ZER1: variants seen among roughly 807,000 people sequenced by gnomAD.
The protein encoded by ZER1 is zyg-11 related cell cycle regulator, also known as protein zer-1 homolog.
In ZER1, 11 loss-of-function variants were observed where a neutral mutation model predicts 78.8. The ratio of observed to expected loss-of-function variants is 0.14; its 90% CI spans 0.09 to 0.23. The LOEUF (loss-of-function observed/expected upper bound fraction) is 0.23. Ranked by LOEUF, ZER1 falls within the 10% of genes least tolerant of loss-of-function variation. The pLI, the probability that ZER1 is intolerant of heterozygous loss-of-function variation, is 1.00. For synonymous variants in ZER1, 400 were observed against 407.0 expected, an observed-to-expected ratio of 0.98 and a Z score of 0.21; for missense variants, 588 against 996.9, an observed-to-expected ratio of 0.59 and a Z score of 5.52.
At chr9:128,741,771 T>C in intron 10 of ZER1, 29 bp downstream of exon 10, 1 of 1,614,020 alleles carries the variant, frequency 6.2e-7, no homozygotes, top group Admixed American at 1.7e-5. Flanking sequence ...GGGGAAAGGG[T>C]AGCGTGGCTT....
At chr9:128,735,706 C>T (rs1863043140) in intron 13 of ZER1, among the ~76,000 whole-genome samples, 1 of 148,986 alleles carries the variant, frequency 6.7e-6, no homozygotes, top group Non-Finnish European at 1.5e-5. Flanking sequence ...AGCAGAGACC[C>T]AGCCTGTGGG....
chr9:128,752,213 G>T (rs1017771340), intron 5 of ZER1, among the ~76,000 whole-genome samples: 1 of 152,066 alleles, frequency 6.6e-6, no homozygotes, highest in Non-Finnish European at 1.5e-5. Context: ...CCCTTGTAAT[G>T]ACTTGATTGT....
rs1862851672 is a variant in ZER1 at position 128,732,188 on chromosome 9, A to G, written c.2244-794T>C. ...TTGCTGTCAGACAGGCCAGTGCCTC[A>G]GATTCCCATCACAGGCCTTGGAGAA... is the stretch of plus-strand genomic sequence containing the variant. On this transcript the variant is annotated intron_variant, in intron 15 of 15. Transcript: ENST00000291900. The surrounding 1 kb of genome is among the most constrained non-coding windows in gnomAD (Gnocchi z 4.8). Among the ~76,000 whole-genome samples, 1 of 152,246 alleles carries G rather than the reference A, an allele frequency of 6.6e-6. No homozygotes were observed. Among genetic ancestry groups the G allele is most frequent in the South Asian group, 2.1e-4 (1 of 4,834 alleles).
rs777380866 is a variant in ZER1, at chr9:128,740,068, G to A, written c.1905C>T (p.Cys635=). The A allele has an allele frequency of 7.9e-5, 128 of 1,613,494 alleles. No homozygotes were observed. Among genetic ancestry groups the A allele is most frequent in the Non-Finnish European group, 1.0e-4 (121 of 1,179,658 alleles). Residue 635 remains cysteine, a synonymous_variant, in exon 13 of 16, where the codon TGC becomes TGT. Coordinates refer to ENST00000291900, the MANE Select transcript of ZER1 (RefSeq NM_006336.4). This position sits in a 1 kb window ranked among gnomAD's most constrained non-coding sequence, Gnocchi z 4.4. Reference sequence around the variant, plus strand: ...CAAACATGATGTGGGAGAGGACGCCGCAGGCATTGTAGGAAACCTCGATCC... The same window carrying A: ...CAAACATGATGTGGGAGAGGACGCCACAGGCATTGTAGGAAACCTCGATCC... The part of the protein sequence containing the change: ...ADGIEVSYNA[C]GVLSHIMFDG...
chr9:128,745,070 C>T (rs1407818955), intron 8 of ZER1, among the ~76,000 whole-genome samples: 1 of 152,170 alleles, frequency 6.6e-6, no homozygotes, highest in Admixed American at 6.6e-5. Flanking sequence ...TTAGGTAACA[C>T]TAGACTGTTT....
chr9:128,768,625 C>T (rs1322706774), intron 1 of ZER1, among the ~76,000 whole-genome samples: 1 of 152,168 alleles, frequency 6.6e-6, no homozygotes, highest in Non-Finnish European at 1.5e-5. Context: ...CCTAAGTGCT[C>T]TGACCTTTCA....
rs1283330845 is a variant in ZER1, at chr9:128,753,137, C to G, written c.746+27G>C. ...CCCCACCTGCCCCCCAAACCCCACC[C>G]TGGTGAGCTCTGGGCCAGGAGCTCA... On this transcript the variant is annotated intron_variant, in intron 4 of 15. Coordinates refer to ENST00000291900, the MANE Select transcript of ZER1 (RefSeq NM_006336.4). This position sits in a 1 kb window ranked among gnomAD's most constrained non-coding sequence, Gnocchi z 7.5. 2 of 1,505,554 alleles carry G rather than the reference C, an allele frequency of 1.3e-6. No individual in the cohort carries two copies. Among genetic ancestry groups the G allele is most frequent in the East Asian group, 2.5e-5 (1 of 40,598 alleles). The allele number at this position is 1,505,554 out of a possible 1,614,324, so 93.3% of individuals were successfully genotyped here. A position where few individuals can be genotyped will look rare whatever the true frequency, so the allele number is the denominator to read the frequency against.
At chr9:128,750,550 G>T in intron 8 of ZER1, 66 bp downstream of exon 8, 1 of 1,573,704 alleles carries the variant, frequency 6.4e-7, no homozygotes. Flanking sequence ...GCCCTAGCGG[G>T]ACGCAAGAAG....
At chr9:128,762,383 T>C (rs1864078806) in intron 1 of ZER1, among the ~76,000 whole-genome samples, 1 of 152,202 alleles carries the variant, frequency 6.6e-6, no homozygotes, top group Admixed American at 6.5e-5. Context: ...AGTTCAACTG[T>C]GGCACCACTG....
intron 10 of ZER1, 46 bp from the exon 11 acceptor site, chr9:128,741,700 GA>G: frequency 6.2e-7 from 1 of 1,613,966 alleles, no homozygotes; most frequent in Non-Finnish European, 8.5e-7. Flanking sequence ...GGTACCCGGG[GA>G]GGGGGGCCCC....
rs1863270957 is a variant in ZER1, at chr9:128,740,968, T to C, written c.1738-81A>G. ...TGGTATTGTTAACCAAAAAGCTTCA[T>C]GGGCATCTGGCCATGCCAACTAGAC... On this transcript the variant is annotated intron_variant, in intron 11 of 15. Coordinates refer to ENST00000291900, the MANE Select transcript of ZER1 (RefSeq NM_006336.4). The surrounding 1 kb of genome is among the most constrained non-coding windows in gnomAD (Gnocchi z 4.4). 1 of 740,778 alleles carries C rather than the reference T, an allele frequency of 1.3e-6. No homozygotes were observed. Among genetic ancestry groups the C allele is most frequent in the South Asian group, 1.4e-5 (1 of 70,264 alleles). The allele number at this position is 740,778 out of a possible 1,614,324, so 45.9% of individuals were successfully genotyped here. A position where few individuals can be genotyped will look rare whatever the true frequency, so the allele number is the denominator to read the frequency against.
In ZER1 at chr9:128,771,603, G is replaced by GAC. The variant is rs1262374183; in HGVS notation, c.-118_-117insGT. 2.0e-5 allele frequency: 3 copies of GAC among 152,454 alleles called. No individual in the cohort carries two copies. The highest frequency in any genetic ancestry group is 2.9e-5 in the Non-Finnish European group (2 of 68,220). The allele number at this position is 152,454 out of a possible 1,614,324, so 9.4% of individuals were successfully genotyped here. A position where few individuals can be genotyped will look rare whatever the true frequency, so the allele number is the denominator to read the frequency against. On this transcript the variant is annotated 5_prime_UTR_variant, in exon 1 of 16. Transcript: ENST00000291900. Reference sequence around the variant, plus strand: ...TACCCTGGACGGGGCTGCCCTCAGCGTCGGGAAGCGGACGTGATGCTTCGC... The same window carrying GAC: ...TACCCTGGACGGGGCTGCCCTCAGCGACTCGGGAAGCGGACGTGATGCTTCGC...
chr9:128,747,284 T>G (rs1452451869), intron 8 of ZER1, among the ~76,000 whole-genome samples: 1 of 152,206 alleles, frequency 6.6e-6, no homozygotes, highest in African/African-American at 2.4e-5. Context: ...TAAGGATAAC[T>G]AATTAAGTAT....
At chr9:128,758,441 T>C (rs1863932205) in intron 1 of ZER1, among the ~76,000 whole-genome samples, 1 of 151,438 alleles carries the variant, frequency 6.6e-6, no homozygotes, top group Non-Finnish European at 1.5e-5. Flanking sequence ...TTTTAATTTT[T>C]GAGATAGAAT....
chr9:128,735,454 C>T (rs1485791834), intron 13 of ZER1, 23 bp from the exon 14 acceptor site: 3 of 1,606,684 alleles, frequency 1.9e-6, no homozygotes, highest in African/African-American at 1.3e-5. Flanking sequence ...AAATCAAGGT[C>T]ACTGTGGATG....
intron 8 of ZER1, among the ~76,000 whole-genome samples, chr9:128,745,410 G>A (rs1863455429): frequency 6.6e-6 from 1 of 151,854 alleles, no homozygotes; most frequent in South Asian, 2.1e-4. Flanking sequence ...CACCCAGGCT[G>A]GAGTGCAGTG....
At chr9:128,734,385 C>G (rs551786454) in intron 14 of ZER1, among the ~76,000 whole-genome samples, 2 of 150,122 alleles carry the variant, frequency 1.3e-5, no homozygotes, top group East Asian at 4.0e-4. Flanking sequence ...TTAGTAGAGA[C>G]GGGGTTTCAC....
Position 128,755,518 on chromosome 9 carries a change from G to C in ZER1, c.48C>G (p.Phe16Leu). The change falls in exon 2 of 16, where the codon TTC (phenylalanine) becomes TTG (leucine). Residue 16 changes from phenylalanine to leucine, a missense_variant. Physicochemically the swap from Phe to Leu is conservative, Grantham distance 22 (BLOSUM62 0). Coordinates refer to ENST00000291900, the MANE Select transcript of ZER1 (RefSeq NM_006336.4). The surrounding 1 kb of genome is among the most constrained non-coding windows in gnomAD (Gnocchi z 5.6). ...PESLMALCTD[F>L]CLRNLDGTLG... The stretch of plus-strand genomic sequence containing the variant: ...GGGTGCCATCCAGGTTGCGCAAGCA[G>C]AAGTCAGTACAGAGGGCCATCAGCG... 1 of 1,614,068 alleles carries C rather than the reference G, an allele frequency of 6.2e-7. No individual in the cohort carries two copies. Among genetic ancestry groups the C allele is most frequent in the Non-Finnish European group, 8.5e-7 (1 of 1,180,028 alleles).
chr9:128,734,177 A>AAAAAT (rs1554784893), intron 14 of ZER1, among the ~76,000 whole-genome samples: 14 of 52,724 alleles, frequency 2.7e-4, no homozygotes, highest in African/African-American at 6.3e-4. Context: ...TCTTAAAAAA[A>AAAAAT]ATATATATAT....
Sources: gnomAD v4.1 joint callset for allele counts (sites outside exome capture counted in the v4.1 genomes callset) on GRCh38, gnomAD v4.1.1 for gene constraint, Gnocchi (gnomAD v3.1) non-coding constraint, MANE v1.5 for transcripts, NCBI Gene and HGNC (gene_info 2026-07-23, HGNC 2026-07-21) for gene names.